Variants in DNAH9 observed in about 807,000 individuals in gnomAD.
DNAH9 encodes DNAH9 variant protein.
In DNAH9, 345 loss-of-function variants were observed where a neutral mutation model predicts 471.6. The observed-to-expected ratio is 0.73, with a 90% confidence interval of 0.67 to 0.80. The LOEUF (loss-of-function observed/expected upper bound fraction) is 0.80, where lower values mean the gene tolerates loss of function less well. DNAH9 is among the 30% of genes least tolerant of loss of function. The probability of loss-of-function intolerance (pLI) is 0.00; values close to 1 mark genes in which losing one functional copy is unlikely to be tolerated. For synonymous variants in DNAH9, 2,093 were observed against 2,123.6 expected (o/e 0.99, Z 0.40); for missense variants, 5,407 against 5,609.2 (o/e 0.96, Z 1.15).
chr17:11,929,714 T>C (rs1322802210), intron 62 of DNAH9, 152 bp from the exon 63 acceptor site: 10 of 643,626 alleles, frequency 1.6e-5, no homozygotes, highest in Non-Finnish European at 2.7e-5. Flanking sequence ...GGGTTTCAGA[T>C]GGTAAATTTT....
chr17:11,727,792 T>G (rs769506361), intron 27 of DNAH9, 26 bp from the exon 28 acceptor site: 2 of 1,537,612 alleles, frequency 1.3e-6, no homozygotes, highest in African/African-American at 2.7e-5. Flanking sequence ...CCGTTGGTAA[T>G]TTAATCTTTG....
intron 38 of DNAH9, among the ~76,000 whole-genome samples, chr17:11,771,782 C>CT (rs1968215200): frequency 6.6e-6 from 1 of 152,200 alleles, no homozygotes; most frequent in South Asian, 2.1e-4. Flanking sequence ...AACTACACTA[C>CT]TACTACTAAT....
chr17:11,733,860 CAAAAAA>C (rs57515310), intron 28 of DNAH9, among the ~76,000 whole-genome samples: 5 of 113,138 alleles, frequency 4.4e-5, no homozygotes, highest in Admixed American at 9.4e-5. Flanking sequence ...GACTCCATCT[CAAAAAA>C]AAAAAAAAAA....
chr17:11,934,281 C>G (rs564842870), intron 65 of DNAH9, among the ~76,000 whole-genome samples: 2 of 152,150 alleles, frequency 1.3e-5, no homozygotes, highest in East Asian at 1.9e-4. Flanking sequence ...TTGAGAGATA[C>G]GGGATTTCTA....
At chr17:11,697,124 T>C (rs2074491483) in intron 22 of DNAH9, among the ~76,000 whole-genome samples, 2 of 152,218 alleles carry the variant, frequency 1.3e-5, no homozygotes, top group Non-Finnish European at 2.9e-5. Flanking sequence ...CCCACAGTGT[T>C]GGGATTATAG....
chr17:11,722,971 A>C (rs2075087451), intron 27 of DNAH9: 1 of 151,878 alleles, frequency 6.6e-6, no homozygotes, highest in Non-Finnish European at 1.5e-5. Flanking sequence ...TTTCCTTGAG[A>C]CCCTACTCCC....
At chr17:11,640,220 G>A (rs199800551) in intron 9 of DNAH9, 50 bp from the exon 10 acceptor site, 2 of 1,150,158 alleles carry the variant, frequency 1.7e-6, no homozygotes, top group African/African-American at 1.5e-5. Context: ...CGAGCGGAGA[G>A]GACTGAGGTG....
chr17:11,763,371 G>A, intron 35 of DNAH9, 69 bp from the exon 36 acceptor site: 1 of 1,418,256 alleles, frequency 7.1e-7, no homozygotes. Context: ...TGGTTCCATA[G>A]CTGTCCAACA....
At chr17:11,778,352 A>G (rs1320891922) in intron 38 of DNAH9, among the ~76,000 whole-genome samples, 17 of 142,448 alleles carry the variant, frequency 1.2e-4, no homozygotes, top group South Asian at 2.2e-4. Flanking sequence ...AAAAAAAAAA[A>G]AAAAAAAAAA....
At chr17:11,701,078 A>G (rs1037459167) in intron 23 of DNAH9, 44 bp from the exon 24 acceptor site, 5 of 1,612,142 alleles carry the variant, frequency 3.1e-6, no homozygotes, top group Non-Finnish European at 3.4e-6. Context: ...GGACTAACCA[A>G]AACTTCTCAG....
intron 48 of DNAH9, among the ~76,000 whole-genome samples, chr17:11,827,788 C>T (rs1002331591): frequency 5.3e-5 from 8 of 151,882 alleles, no homozygotes; most frequent in Non-Finnish European, 8.8e-5. Context: ...CAGGCTCAAG[C>T]GATTCTCCTG....
intron 49 of DNAH9, among the ~76,000 whole-genome samples, chr17:11,845,477 T>A (rs1971189167): frequency 6.6e-6 from 1 of 151,116 alleles, no homozygotes; most frequent in Admixed American, 6.6e-5. Context: ...CGTGTGCATG[T>A]GTCTTTAAAG....
At chr17:11,897,737 G>A (rs947760506) in intron 59 of DNAH9, among the ~76,000 whole-genome samples, 4 of 152,148 alleles carry the variant, frequency 2.6e-5, no homozygotes, top group African/African-American at 9.7e-5. Context: ...TCTGCAAAAT[G>A]GTCGTCGTAA....
intron 59 of DNAH9, among the ~76,000 whole-genome samples, chr17:11,900,970 A>T (rs1812428289): frequency 6.6e-6 from 1 of 152,238 alleles, no homozygotes. Flanking sequence ...CAGTTCCAAC[A>T]TCAAGACTGA....
In DNAH9 at chr17:11,964,170, G is replaced by C. The variant is rs188778192; in HGVS notation, c.13233+1914G>C. 3.9e-5 allele frequency among the ~76,000 whole-genome samples: 6 copies of C among 152,298 alleles called. No individual in the cohort carries two copies. The East Asian group carries it at 1.2e-3, about 29-fold the overall frequency. On this transcript the variant is annotated intron_variant, in intron 68 of 68. Transcript: ENST00000262442. ...AAGTAGGGTAATGTTTAGAAAGCCTGAATCTTGAGAAGGAAGTTGACTTCC... is the reference window on the plus strand; with the variant it reads ...AAGTAGGGTAATGTTTAGAAAGCCTCAATCTTGAGAAGGAAGTTGACTTCC...
intron 22 of DNAH9, 79 bp downstream of exon 22, chr17:11,694,526 C>T: frequency 6.7e-7 from 1 of 1,500,430 alleles, no homozygotes; most frequent in Non-Finnish European, 9.2e-7. Context: ...GGCTCCCCAT[C>T]ATGCCTCTTC....
At chr17:11,855,916 T>G (rs1477830197) in intron 50 of DNAH9, among the ~76,000 whole-genome samples, 1 of 152,126 alleles carries the variant, frequency 6.6e-6, no homozygotes, top group Admixed American at 6.5e-5. Flanking sequence ...TGAAGTAGAA[T>G]AGACACAGTA....
chr17:11,601,689 A>G (rs1051693181), intron 1 of DNAH9, among the ~76,000 whole-genome samples: 1 of 151,974 alleles, frequency 6.6e-6, no homozygotes. Flanking sequence ...TTGGCCTCCC[A>G]TCTGCTAAGA....
intron 44 of DNAH9, among the ~76,000 whole-genome samples, chr17:11,809,118 T>C (rs1190695844): frequency 6.6e-6 from 1 of 152,224 alleles, no homozygotes. Context: ...TCAAGCTGGA[T>C]AAGTTCAGAA....
Sources: allele counts gnomAD v4.1 joint callset (sites outside exome capture counted in the v4.1 genomes callset), GRCh38; gene constraint gnomAD v4.1.1; transcripts MANE v1.5; gene names NCBI Gene and HGNC (gene_info 2026-07-23, HGNC 2026-07-21).